ZCWPW2: variants seen among roughly 807,000 people sequenced by gnomAD.
The protein encoded by ZCWPW2 is zinc finger CW-type and PWWP domain containing 2.
A neutral mutation model predicts 46.6 loss-of-function variants in ZCWPW2; 45 were observed. That is an observed-to-expected ratio of 0.96 (90% CI 0.76 to 1.24). The LOEUF (loss-of-function observed/expected upper bound fraction) is 1.24. Among genes scored for constraint, ZCWPW2 ranks in the 50% most tolerant of loss-of-function variants. The pLI, the probability that ZCWPW2 is intolerant of heterozygous loss-of-function variation, is 0.00. For missense variants in ZCWPW2, 429 were observed against 403.9 expected, an observed-to-expected ratio of 1.06 and a Z score of -0.53; for synonymous variants, 152 against 137.1, an observed-to-expected ratio of 1.11 and a Z score of -0.76.
chr3:28,448,086 GC>G (rs1178853205), intron 4 of ZCWPW2: 21 of 233,704 alleles, frequency 9.0e-5, no homozygotes, highest in Non-Finnish European at 1.5e-4. Context: ...AAAAAATGAA[GC>G]TTTTTTTAAG....
At chr3:28,419,857 A>G (rs1696690215) in intron 3 of ZCWPW2, among the ~76,000 whole-genome samples, 1 of 107,526 alleles carries the variant, frequency 9.3e-6, no homozygotes, top group African/African-American at 3.7e-5. Context: ...TCTCACTCAT[A>G]GGTGGGAATT....
chr3:28,431,174 T>C (rs1261163054), intron 3 of ZCWPW2, among the ~76,000 whole-genome samples: 3 of 152,086 alleles, frequency 2.0e-5, no homozygotes, highest in African/African-American at 7.2e-5. Context: ...TTTAAAATTA[T>C]CTAAACAATT....
intron 4 of ZCWPW2, among the ~76,000 whole-genome samples, chr3:28,451,499 G>A (rs894255270): frequency 6.6e-6 from 1 of 152,078 alleles, no homozygotes; most frequent in Non-Finnish European, 1.5e-5. Context: ...GAAATTTTTT[G>A]TTTTTAAATA....
At chr3:28,414,344 T>A (rs1262639009) in intron 3 of ZCWPW2, among the ~76,000 whole-genome samples, 2 of 151,932 alleles carry the variant, frequency 1.3e-5, no homozygotes, top group African/African-American at 4.8e-5. Flanking sequence ...TCTTTTTCTC[T>A]TTCTTTTAAT....
Position 28,435,360 on chromosome 3 carries a change from G to T in ZCWPW2, c.492+91G>T, listed in dbSNP as rs866837453. ...TTTGATCATAAAATATGTATAAGTT[G>T]CTTTTAGATTGATATAATGTATGCT... is the stretch of plus-strand genomic sequence containing the variant. On this transcript the variant is annotated intron_variant, in intron 4 of 9. Coordinates refer to ENST00000383768, the MANE Select transcript of ZCWPW2 (RefSeq NM_001040432.4). 3.1e-6 allele frequency: 4 copies of T among 1,297,092 alleles called. No homozygotes were observed. In the African/African-American group the frequency reaches 6.0e-5, roughly 20 times the overall value. 80.3% of individuals were successfully genotyped at this position (1,297,092 alleles called of 1,614,324 possible).
At chr3:28,470,685 A>G (rs1210723283) in intron 4 of ZCWPW2, among the ~76,000 whole-genome samples, 1 of 152,058 alleles carries the variant, frequency 6.6e-6, no homozygotes, top group Non-Finnish European at 1.5e-5. Flanking sequence ...GTAAAGTACT[A>G]AAAAAGCAAG....
intron 5 of ZCWPW2, among the ~76,000 whole-genome samples, chr3:28,490,462 A>G (rs1699769779): frequency 6.6e-6 from 1 of 152,178 alleles, no homozygotes; most frequent in African/African-American, 2.4e-5. Context: ...AATATGGTAC[A>G]TATTCACTAT....
At chr3:28,468,668 T>C (rs1415712249) in intron 4 of ZCWPW2, among the ~76,000 whole-genome samples, 6 of 152,122 alleles carry the variant, frequency 3.9e-5, no homozygotes, top group Admixed American at 3.3e-4. Context: ...CATGACATAT[T>C]TGAAGTGCTG....
At chr3:28,425,790 A>G (rs1269045628) in intron 3 of ZCWPW2, among the ~76,000 whole-genome samples, 1 of 152,234 alleles carries the variant, frequency 6.6e-6, no homozygotes, top group African/African-American at 2.4e-5. Context: ...ACATTCTGGC[A>G]CAGCATATAT....
intron 6 of ZCWPW2, among the ~76,000 whole-genome samples, chr3:28,509,702 T>G (rs1190538689): frequency 6.6e-6 from 1 of 152,172 alleles, no homozygotes; most frequent in Non-Finnish European, 1.5e-5. Context: ...TGTTGTGAGT[T>G]CTTTACATAT....
chr3:28,421,648 G>A (rs1289187716), intron 3 of ZCWPW2, among the ~76,000 whole-genome samples: 1 of 151,900 alleles, frequency 6.6e-6, no homozygotes, highest in East Asian at 1.9e-4. Flanking sequence ...TAAAGTGCAA[G>A]AAACTCACTG....
intron 2 of ZCWPW2, among the ~76,000 whole-genome samples, chr3:28,391,083 A>C (rs749869745): frequency 2.0e-5 from 3 of 152,124 alleles, no homozygotes; most frequent in African/African-American, 4.8e-5. Flanking sequence ...TTTAGACTAA[A>C]ATTATTTTCA....
intron 9 of ZCWPW2, among the ~76,000 whole-genome samples, chr3:28,523,307 A>G (rs1326115085): frequency 3.9e-5 from 6 of 152,110 alleles, no homozygotes; most frequent in Non-Finnish European, 8.8e-5. Flanking sequence ...GTTCTTGTTC[A>G]CTTTTAAATG....
intron 5 of ZCWPW2, among the ~76,000 whole-genome samples, chr3:28,484,153 C>T (rs776561259): frequency 6.6e-6 from 1 of 151,840 alleles, no homozygotes; most frequent in Non-Finnish European, 1.5e-5. Flanking sequence ...AAGTTCCCGT[C>T]CTCCTTGTTT....
intron 1 of ZCWPW2, among the ~76,000 whole-genome samples, chr3:28,350,536 A>G (rs1031485594): frequency 2.0e-5 from 3 of 152,262 alleles, no homozygotes; most frequent in Middle Eastern, 3.4e-3. Flanking sequence ...AGGATGTACA[A>G]ATTTTATTAT....
At position 28,388,277 on chromosome 3, in the gene ZCWPW2, G is replaced by A. The variant is rs116522715; in HGVS notation, c.-133-2221G>A. ...CAGAATAACATTTGACCAAATATCT[G>A]GGCTCTGTGGCCTAGCCAAATTGAC... On this transcript the variant is annotated intron_variant, in intron 1 of 9. Transcript: ENST00000383768. Among the ~76,000 whole-genome samples the A allele has an allele frequency of 1.5e-3, 221 of 152,192 alleles. 3 individuals are homozygous for A. Among genetic ancestry groups the A allele is most frequent in the African/African-American group, 5.3e-3 (218 of 41,518 alleles).
chr3:28,441,197 C>G (rs1208170588), intron 4 of ZCWPW2, among the ~76,000 whole-genome samples: 1 of 152,170 alleles, frequency 6.6e-6, no homozygotes, highest in Non-Finnish European at 1.5e-5. Flanking sequence ...CTGGCGTCAC[C>G]TATTGGTGAG....
chr3:28,369,084 C>G (rs1705221168), intron 1 of ZCWPW2, among the ~76,000 whole-genome samples: 1 of 152,074 alleles, frequency 6.6e-6, no homozygotes, highest in Admixed American at 6.6e-5. Context: ...AGGTTTCTAA[C>G]TTCTTTGTGA....
rs990155960 is a variant in ZCWPW2, at chr3:28,525,685, A to G, written c.*997A>G. On this transcript the variant is annotated 3_prime_UTR_variant, in exon 10 of 10. Coordinates refer to ENST00000383768, the MANE Select transcript of ZCWPW2 (RefSeq NM_001040432.4). ...GATATTAAAAACAAATAAGACACCA[A>G]ACAACCAACGTGTCACTCATTGAGT... 6.6e-6 allele frequency among the ~76,000 whole-genome samples: 1 copy of G among 152,162 alleles called. No individual in the cohort carries two copies. The highest frequency in any genetic ancestry group is 1.5e-5 in the Non-Finnish European group (1 of 68,020).
Sources: gnomAD v4.1 joint callset for allele counts (sites outside exome capture counted in the v4.1 genomes callset) on GRCh38, gnomAD v4.1.1 for gene constraint, MANE v1.5 for transcripts, NCBI Gene and HGNC (gene_info 2026-07-23, HGNC 2026-07-21) for gene names.